The following IGLL5 variants were observed in gnomAD, a reference collection of about 807,000 sequenced individuals.
The protein encoded by IGLL5 is immunoglobulin lambda-like polypeptide 5.
IGLL5 carries 30 observed loss-of-function variants against 20.9 expected under a neutral mutation model. The observed-to-expected ratio is 1.44, with a 90% CI of 1.07 to 1.95. The LOEUF (loss-of-function observed/expected upper bound fraction) is 1.95, where lower values mean the gene tolerates loss of function less well. Among genes scored for constraint, IGLL5 ranks in the 30% most tolerant of loss-of-function variants. The probability of loss-of-function intolerance (pLI) is 0.00; values close to 1 mark genes in which losing one functional copy is unlikely to be tolerated. For missense variants in IGLL5, 475 were observed against 270.7 expected, an observed-to-expected ratio of 1.75 and a Z score of -5.30; for synonymous variants, 203 against 117.3, an observed-to-expected ratio of 1.73 and a Z score of -4.72.
intron 2 of IGLL5, among the ~76,000 whole-genome samples, chr22:22,894,483 T>C (rs192601169): frequency 4.6e-5 from 7 of 151,324 alleles, no homozygotes; most frequent in Middle Eastern, 3.8e-3. Context: ...GACAGTCTCT[T>C]AGGGCAGAGA....
chr22:22,893,912 C>A (rs2067946413), intron 2 of IGLL5, 94 bp downstream of exon 2: 2 of 891,376 alleles, frequency 2.2e-6, no homozygotes, highest in Admixed American at 1.8e-5. Context: ...CCTCTGTCCT[C>A]CCAGCCTTAA....
At chr22:22,894,306 A>G (rs546904376) in intron 2 of IGLL5, among the ~76,000 whole-genome samples, 3 of 151,386 alleles carry the variant, frequency 2.0e-5, no homozygotes, top group Middle Eastern at 3.8e-3. Flanking sequence ...CTGGTGACAC[A>G]GAGGTCACCC....
At chr22:22,893,331 C>A (rs1470570841) in intron 1 of IGLL5, among the ~76,000 whole-genome samples, 1 of 151,150 alleles carries the variant, frequency 6.6e-6, no homozygotes, top group Non-Finnish European at 1.5e-5. Flanking sequence ...TGACCCAGTG[C>A]TCTCAATCCA....
intron 1 of IGLL5, among the ~76,000 whole-genome samples, chr22:22,889,047 T>A (rs577269653): frequency 6.6e-6 from 1 of 151,214 alleles, no homozygotes; most frequent in Admixed American, 6.6e-5. Context: ...CCATTCCCAG[T>A]CCAGGACGAG....
Position 22,888,139 on chromosome 22 carries a change from T to G in IGLL5, c.86T>G (p.Leu29Arg). Residue 29 changes from leucine (L) to arginine (R), a missense_variant, in exon 1 of 3, where the codon CTG becomes CGG. Coordinates refer to ENST00000526893, the MANE Select transcript of IGLL5 (RefSeq NM_001178126.2). ...AGGCAGCGCTGGCCCCTGCTGCTGC[T>G]GGGTCTGGCCATGGTCGCCCATGGC... ...GPRQRWPLLLLGLAMVAHGLL... is the reference protein window; with the variant it reads ...GPRQRWPLLLRGLAMVAHGLL... 3 of 1,549,772 alleles carry G rather than the reference T, an allele frequency of 1.9e-6. No homozygotes were observed. The highest frequency in any genetic ancestry group is 1.7e-6 in the Non-Finnish European group (2 of 1,146,894).
chr22:22,888,641 T>C (rs556144997), intron 1 of IGLL5, among the ~76,000 whole-genome samples: 4 of 151,110 alleles, frequency 2.6e-5, no homozygotes, highest in East Asian at 2.1e-4. Context: ...CCCCTCCTCC[T>C]CTCTGCCCAT....
chr22:22,889,543 A>C (rs1310368781), intron 1 of IGLL5, among the ~76,000 whole-genome samples: 1 of 151,240 alleles, frequency 6.6e-6, no homozygotes, highest in Admixed American at 6.6e-5. Context: ...AAAAATCCAA[A>C]TATCTACCAG....
At chr22:22,895,126 G>A (rs1048605593) in intron 2 of IGLL5, among the ~76,000 whole-genome samples, 1 of 151,322 alleles carries the variant, frequency 6.6e-6, no homozygotes, top group African/African-American at 2.4e-5. Context: ...GAGAAATTGA[G>A]GCTGTAGAGG....
At chr22:22,888,505 T>G (rs2067607433) in intron 1 of IGLL5, among the ~76,000 whole-genome samples, 1 of 151,460 alleles carries the variant, frequency 6.6e-6, no homozygotes, top group Middle Eastern at 3.7e-3. Flanking sequence ...ACTTAAATTT[T>G]CACCAGGGTC....
At position 22,888,131 on chromosome 22, in the gene IGLL5, G is replaced by C. The variant is rs551962377; in HGVS notation, c.78G>C (p.Leu26=). 2 of 1,548,434 alleles carry C rather than the reference G, an allele frequency of 1.3e-6. No homozygotes were observed. Among genetic ancestry groups the C allele is most frequent in the South Asian group, 1.2e-5 (1 of 83,928 alleles). ...CTGGTCCCAGGCAGCGCTGGCCCCT[G>C]CTGCTGCTGGGTCTGGCCATGGTCG... is the stretch of plus-strand genomic sequence containing the variant. ...LGPGPRQRWP[L]LLLGLAMVAH... Residue 26 remains leucine (L), a synonymous_variant, in exon 1 of 3, where the codon CTG becomes CTC. Coordinates refer to ENST00000526893, the MANE Select transcript of IGLL5 (RefSeq NM_001178126.2).
intron 1 of IGLL5, among the ~76,000 whole-genome samples, chr22:22,888,556 G>C (rs146118968): frequency 2.6e-5 from 4 of 151,350 alleles, no homozygotes; most frequent in Admixed American, 1.3e-4. Flanking sequence ...GGGTAGGGAA[G>C]GAACAGAGGC....
At chr22:22,894,084 G>T (rs578181933) in intron 2 of IGLL5, among the ~76,000 whole-genome samples, 1 of 151,470 alleles carries the variant, frequency 6.6e-6, no homozygotes. Flanking sequence ...TTCCAGGGCA[G>T]ATGTCTGAGT....
At chr22:22,894,293 G>A (rs1452563082) in intron 2 of IGLL5, among the ~76,000 whole-genome samples, 2 of 151,232 alleles carry the variant, frequency 1.3e-5, no homozygotes, top group Non-Finnish European at 1.5e-5. Context: ...AGGGCCACAC[G>A]GCCTGGTGAC....
At position 22,895,691 on chromosome 22, in the gene IGLL5, A is replaced by G; in HGVS notation, c.642A>G (p.Ser214=). The change falls in exon 3 of 3, where the codon TCA becomes TCG. Residue 214 remains serine (S), a synonymous_variant. Transcript: ENST00000526893. The part of the protein sequence containing the change: ...VEKTVAPTEC[S] ...AGACAGTGGCCCCTACAGAATGTTCATAGGTTCCCAACTCTAACCCCACCC... is the reference window on the plus strand; with the variant it reads ...AGACAGTGGCCCCTACAGAATGTTCGTAGGTTCCCAACTCTAACCCCACCC... 1 of 1,613,084 alleles carries G rather than the reference A, an allele frequency of 6.2e-7. No homozygotes were observed. The highest frequency in any genetic ancestry group is 8.5e-7 in the Non-Finnish European group (1 of 1,179,642).
In IGLL5 at chr22:22,887,880, G is replaced by T. The variant is rs569808414; in HGVS notation, c.-174G>T. On this transcript the variant is annotated 5_prime_UTR_variant, in exon 1 of 3. Coordinates refer to ENST00000526893, the MANE Select transcript of IGLL5 (RefSeq NM_001178126.2). Reference sequence around the variant, plus strand: ...GAGATCCCCAGGGGTGACAGCCATGGACCCTGGAAGGGCCTGGGCTAGGGA... The same window carrying T: ...GAGATCCCCAGGGGTGACAGCCATGTACCCTGGAAGGGCCTGGGCTAGGGA... 1.5e-6 allele frequency: 1 copy of T among 656,374 alleles called. No individual in the cohort carries two copies. Among genetic ancestry groups the T allele is most frequent in the Admixed American group, 2.4e-5 (1 of 42,122 alleles). The allele number at this position is 656,374 out of a possible 1,614,324, so 40.7% of individuals were successfully genotyped here. A position where few individuals can be genotyped will look rare whatever the true frequency, so the allele number is the denominator to read the frequency against.
chr22:22,888,308 G>A (rs562899437), intron 1 of IGLL5, 49 bp downstream of exon 1: 53 of 1,523,050 alleles, frequency 3.5e-5, no homozygotes, highest in Non-Finnish European at 4.2e-5. Context: ...CAGCAGAGCT[G>A]GGAAAGGGTG....
chr22:22,888,361 C>G, intron 1 of IGLL5, 102 bp downstream of exon 1: 4 of 1,075,058 alleles, frequency 3.7e-6, no homozygotes, highest in African/African-American at 3.2e-5. Flanking sequence ...GAAGGTTAAC[C>G]CCTAAGAGGG....
Position 22,895,702 on chromosome 22 carries a change from A to G in IGLL5, c.*8A>G, listed in dbSNP as rs746427061. On this transcript the variant is annotated 3_prime_UTR_variant, in exon 3 of 3. Transcript: ENST00000526893. ...CCTACAGAATGTTCATAGGTTCCCA[A>G]CTCTAACCCCACCCACGGGAGCCTG... is the stretch of plus-strand genomic sequence containing the variant. The G allele has an allele frequency of 9.9e-6, 16 of 1,612,634 alleles. No homozygotes were observed. Among genetic ancestry groups the G allele is most frequent in the African/African-American group, 4.0e-5 (3 of 74,674 alleles).
intron 1 of IGLL5, 75 bp downstream of exon 1, chr22:22,888,334 G>C (rs571776312): frequency 2.1e-6 from 3 of 1,402,658 alleles, no homozygotes; most frequent in African/African-American, 1.4e-5. Context: ...GGGGAGACAA[G>C]CCAGAGGAGT....
Sources: allele counts gnomAD v4.1 joint callset (sites outside exome capture counted in the v4.1 genomes callset), GRCh38; gene constraint gnomAD v4.1.1; transcripts MANE v1.5; gene names NCBI Gene and HGNC (gene_info 2026-07-23, HGNC 2026-07-21).